Variants in PPP6R3 observed in about 807,000 individuals in gnomAD.
PPP6R3 encodes protein phosphatase 6 regulatory subunit 3.
PPP6R3 carries 38 observed loss-of-function variants against 110.7 expected under a neutral mutation model. That is an observed-to-expected ratio of 0.34 (90% confidence interval 0.26 to 0.45). The LOEUF is 0.45. Among genes scored for constraint, PPP6R3 ranks in the 20% least tolerant of loss-of-function variants. The pLI, the probability that PPP6R3 is intolerant of heterozygous loss-of-function variation, is 1.00. For synonymous variants in PPP6R3, 369 were observed against 373.5 expected (o/e 0.99, Z 0.14); for missense variants, 870 against 1,062.4 (o/e 0.82, Z 2.52).
At chr11:68,584,853 T>C (rs1441558494) in intron 15 of PPP6R3, among the ~76,000 whole-genome samples, 5 of 152,238 alleles carry the variant, frequency 3.3e-5, no homozygotes, top group African/African-American at 1.2e-4. Flanking sequence ...CAGTACATTT[T>C]TCTTTGCATG....
At chr11:68,606,847 A>G (rs1165254157) in intron 22 of PPP6R3, among the ~76,000 whole-genome samples, 2 of 152,246 alleles carry the variant, frequency 1.3e-5, no homozygotes, top group Non-Finnish European at 2.9e-5. Context: ...ATGATTACCT[A>G]CAACCAAGTC....
rs866539823 is a variant in PPP6R3, at chr11:68,573,114, T to A, written c.1344-995T>A. ...TCAGATTAATATGAGTTTACTTATT[T>A]TATATATATATATATATATATATAT... On this transcript the variant is annotated intron_variant, in intron 12 of 23. Coordinates refer to ENST00000393800, the MANE Select transcript of PPP6R3 (RefSeq NM_001164161.2). Among the ~76,000 whole-genome samples the A allele has an allele frequency of 4.1e-3, 254 of 61,782 alleles. 1 individual carries two copies. The highest frequency in any genetic ancestry group is 0.027 in the East Asian group (31 of 1,130). 40.5% of individuals were successfully genotyped at this position (61,782 alleles called of 152,430 possible). A position where few individuals can be genotyped will look rare whatever the true frequency, so the allele number is the denominator to read the frequency against.
chr11:68,463,171 C>G (rs117878639), intron 1 of PPP6R3, among the ~76,000 whole-genome samples: 6 of 151,764 alleles, frequency 4.0e-5, no homozygotes, highest in Non-Finnish European at 7.4e-5. Context: ...GTCAGGAGTT[C>G]GAGACCAGGC....
chr11:68,566,862 T>TA, intron 9 of PPP6R3, 152 bp from the exon 10 acceptor site: 1 of 560,534 alleles, frequency 1.8e-6, no homozygotes, highest in Non-Finnish European at 2.9e-6. Context: ...CATTGTATCT[T>TA]AAAGATATCA....
At chr11:68,530,080 A>G (rs990991994) in intron 2 of PPP6R3, among the ~76,000 whole-genome samples, 1 of 152,248 alleles carries the variant, frequency 6.6e-6, no homozygotes, top group Non-Finnish European at 1.5e-5. Context: ...CCTGTTGGAT[A>G]TATTCTGTTA....
At chr11:68,591,854 C>A in intron 18 of PPP6R3, 148 bp downstream of exon 18, 1 of 1,006,254 alleles carries the variant, frequency 9.9e-7, no homozygotes. Context: ...CCCTTGTTGG[C>A]GGGAGTTGGT....
intron 18 of PPP6R3, among the ~76,000 whole-genome samples, chr11:68,594,347 T>TGAGAGAGA (rs148881935): frequency 2.4e-5 from 2 of 84,638 alleles, no homozygotes; most frequent in African/African-American, 3.8e-5. Flanking sequence ...AGAGAGAGAG[T>TGAGAGAGA]GAGAGAGAGA....
chr11:68,516,798 A>G (rs2099139452), intron 1 of PPP6R3, among the ~76,000 whole-genome samples: 2 of 151,804 alleles, frequency 1.3e-5, no homozygotes, highest in African/African-American at 4.8e-5. Flanking sequence ...CTGCTGTACC[A>G]TTTTGCATTC....
intron 1 of PPP6R3, among the ~76,000 whole-genome samples, chr11:68,496,618 G>T (rs964554654): frequency 2.6e-5 from 4 of 151,956 alleles, no homozygotes; most frequent in African/African-American, 9.7e-5. Context: ...GATTACAGGT[G>T]TGTGCCACCG....
intron 1 of PPP6R3, among the ~76,000 whole-genome samples, chr11:68,485,889 G>T (rs2098943883): frequency 6.6e-6 from 1 of 151,964 alleles, no homozygotes; most frequent in Non-Finnish European, 1.5e-5. Context: ...AGCAGCCTTG[G>T]CTGGGCACAG....
rs748376581 is a variant in PPP6R3, at chr11:68,508,121, C to CTTTTTTTTTT, written c.-157-11364_-157-11355dup. ...CCCCGGCCTAAGTGAGTTTTTTGGCCTTTTTTTTTTTTTTTTTTTTTTTTT... is the reference window on the plus strand; with the variant it reads ...CCCCGGCCTAAGTGAGTTTTTTGGCCTTTTTTTTTTTTTTTTTTTTTTTTTTTTTTTTTTT... On this transcript the variant is annotated intron_variant, in intron 1 of 23. Coordinates refer to ENST00000393800, the MANE Select transcript of PPP6R3 (RefSeq NM_001164161.2). Among the ~76,000 whole-genome samples, 61 of 77,616 alleles carry CTTTTTTTTTT rather than the reference C, an allele frequency of 7.9e-4. 3 individuals carry two copies. The highest frequency in any genetic ancestry group is 3.3e-3 in the African/African-American group (55 of 16,436). 50.9% of individuals were successfully genotyped at this position (77,616 alleles called of 152,430 possible). A position where few individuals can be genotyped will look rare whatever the true frequency, so the allele number is the denominator to read the frequency against.
rs913250243 is a variant in PPP6R3, at chr11:68,615,224, T to C, written c.*2107T>C. 35 of 384,742 alleles carry C rather than the reference T, an allele frequency of 9.1e-5. No homozygotes were observed. Among genetic ancestry groups the C allele is most frequent in the African/African-American group, 7.1e-4 (34 of 47,732 alleles). 23.8% of individuals were successfully genotyped at this position (384,742 alleles called of 1,614,324 possible). A position where few individuals can be genotyped will look rare whatever the true frequency, so the allele number is the denominator to read the frequency against. The stretch of plus-strand genomic sequence containing the variant: ...AAGTGTGCCCTCATTTTGTTTCTAC[T>C]TTTAATTTCTGTGTGTTGGCCATAC... On this transcript the variant is annotated 3_prime_UTR_variant, in exon 24 of 24. Coordinates refer to ENST00000393800, the MANE Select transcript of PPP6R3 (RefSeq NM_001164161.2).
chr11:68,612,668 A>T (rs1258379531), intron 23 of PPP6R3, among the ~76,000 whole-genome samples: 1 of 151,346 alleles, frequency 6.6e-6, no homozygotes, highest in African/African-American at 2.4e-5. Context: ...CAAGTGAAAT[A>T]GTATGTGGAT....
chr11:68,559,347 A>T (rs570137002), intron 8 of PPP6R3, among the ~76,000 whole-genome samples: 87 of 152,384 alleles, frequency 5.7e-4, no homozygotes, highest in African/African-American at 2.0e-3. Context: ...TTTACTCATT[A>T]TCAGAGTTTT....
intron 15 of PPP6R3, among the ~76,000 whole-genome samples, chr11:68,585,432 G>T (rs1288493597): frequency 6.6e-6 from 1 of 152,168 alleles, no homozygotes; most frequent in Non-Finnish European, 1.5e-5. Flanking sequence ...AAAGTGGTTG[G>T]CTCACTTCTC....
At chr11:68,585,693 G>C (rs1233042556) in intron 15 of PPP6R3, among the ~76,000 whole-genome samples, 1 of 152,146 alleles carries the variant, frequency 6.6e-6, no homozygotes, top group Non-Finnish European at 1.5e-5. Flanking sequence ...AATTGACTTA[G>C]AACTAATGAG....
At chr11:68,554,393 G>A in intron 7 of PPP6R3, 136 bp downstream of exon 7, 1 of 558,932 alleles carries the variant, frequency 1.8e-6, no homozygotes. Flanking sequence ...TGAGAAGGTA[G>A]GGAAACCTGC....
At chr11:68,497,354 T>C (rs186515075) in intron 1 of PPP6R3, among the ~76,000 whole-genome samples, 4 of 151,256 alleles carry the variant, frequency 2.6e-5, no homozygotes, top group Admixed American at 2.6e-4. Flanking sequence ...ACGTCCGGCC[T>C]CTGTATTCCT....
In PPP6R3 at chr11:68,590,710, A is replaced by C; in HGVS notation, c.1781A>C (p.Glu594Ala). 6.3e-7 allele frequency: 1 copy of C among 1,593,178 alleles called. No individual in the cohort carries two copies. The highest frequency in any genetic ancestry group is 8.6e-7 in the Non-Finnish European group (1 of 1,165,538). Reference protein sequence around the residue: ...SDINFTLNTNESGNIALFEAC... With the variant: ...SDINFTLNTNASGNIALFEAC... The stretch of plus-strand genomic sequence containing the variant: ...ATCAACTTTACTCTCAATACAAATG[A>C]AAGTGTAAGTATAAACTCTGTTGTG... The change falls in exon 17 of 24, where the codon GAA becomes GCA. Residue 594 changes from glutamate (E) to alanine (A), a missense_variant. Glu to Ala is a moderately radical substitution (Grantham distance 107, BLOSUM62 -1). Coordinates refer to ENST00000393800, the MANE Select transcript of PPP6R3 (RefSeq NM_001164161.2).
Sources: gnomAD v4.1 joint callset for allele counts (sites outside exome capture counted in the v4.1 genomes callset) on GRCh38, gnomAD v4.1.1 for gene constraint, MANE v1.5 for transcripts, NCBI Gene and HGNC (gene_info 2026-07-23, HGNC 2026-07-21) for gene names.